Variants in KCNAB2 observed in about 807,000 individuals in gnomAD.
The protein encoded by KCNAB2 is voltage-gated potassium channel subunit beta-2.
A neutral mutation model predicts 63.6 loss-of-function variants in KCNAB2; 29 were observed. The ratio of observed to expected loss-of-function variants is 0.46; its 90% CI spans 0.34 to 0.62. The LOEUF is 0.62. KCNAB2 is among the 20% of genes least tolerant of loss of function. The probability of loss-of-function intolerance (pLI) is 0.01; values close to 1 mark genes in which losing one functional copy is unlikely to be tolerated. For synonymous variants in KCNAB2, 222 were observed against 224.2 expected (o/e 0.99, Z 0.09); for missense variants, 359 against 563.9 (o/e 0.64, Z 3.68).
At chr1:6,010,638 A>T (rs1658095472) in intron 1 of KCNAB2, among the ~76,000 whole-genome samples, 1 of 152,052 alleles carries the variant, frequency 6.6e-6, no homozygotes, top group South Asian at 2.1e-4. Context: ...ACAGCCCTCC[A>T]TGTTGTCAAG....
At chr1:6,066,913 C>T (rs78112261) in intron 2 of KCNAB2, among the ~76,000 whole-genome samples, 9,620 of 152,352 alleles carry the variant, frequency 0.063, 980 homozygotes, top group African/African-American at 0.22. Flanking sequence ...CACCCGGGCT[C>T]AGCCCCCATC....
At position 6,095,317 on chromosome 1, in the gene KCNAB2, T is replaced by C; in HGVS notation, c.733-6T>C. The C allele has an allele frequency of 6.2e-7, 1 of 1,611,606 alleles. No homozygotes were observed. Among genetic ancestry groups the C allele is most frequent in the Non-Finnish European group, 8.5e-7 (1 of 1,179,554 alleles). The stretch of plus-strand genomic sequence containing the variant: ...GGGCCCTCGGGGTCCCTTTCTGCCT[T>C]CACAGGAGGCCTACTCCGTGGCCCG... On this transcript the variant is annotated splice_polypyrimidine_tract_variant and splice_region_variant and intron_variant, in intron 11 of 15. Coordinates refer to ENST00000378083, the MANE Select transcript of KCNAB2 (RefSeq NM_001199862.2).
chr1:6,063,292 G>A (rs1662474717), intron 2 of KCNAB2, among the ~76,000 whole-genome samples: 1 of 151,870 alleles, frequency 6.6e-6, no homozygotes, highest in Non-Finnish European at 1.5e-5. Context: ...CAAAGTTCTG[G>A]GATTACAAGT....
intron 1 of KCNAB2, among the ~76,000 whole-genome samples, chr1:6,016,363 C>A (rs1658500952): frequency 6.6e-6 from 1 of 152,236 alleles, no homozygotes; most frequent in Non-Finnish European, 1.5e-5. Context: ...ACTGACGTCC[C>A]TTGGCTCTTC....
chr1:6,074,489 C>T lies in KCNAB2; in HGVS notation c.300+719C>T, dbSNP rs1045592598. The stretch of plus-strand genomic sequence containing the variant: ...TTGCTCAGACAGCTCTGGGCATCTG[C>T]ACAAGAAGCAGTTTTCACATTTATC... On this transcript the variant is annotated intron_variant, in intron 4 of 15. Coordinates refer to ENST00000378083, the MANE Select transcript of KCNAB2 (RefSeq NM_001199862.2). This position sits in a 1 kb window ranked among gnomAD's most constrained non-coding sequence, Gnocchi z 4.9. Among the ~76,000 whole-genome samples the T allele has an allele frequency of 1.3e-5, 2 of 152,214 alleles. No individual in the cohort carries two copies. Among genetic ancestry groups the T allele is most frequent in the African/African-American group, 4.8e-5 (2 of 41,454 alleles).
intron 10 of KCNAB2, among the ~76,000 whole-genome samples, chr1:6,093,291 G>A (rs779153341): frequency 3.9e-5 from 6 of 152,292 alleles, no homozygotes; most frequent in Admixed American, 6.5e-5. Context: ...TTTGGCGGTC[G>A]AACTTGCAAG....
At chr1:6,022,548 C>T (rs1244397661) in intron 1 of KCNAB2, among the ~76,000 whole-genome samples, 1 of 152,060 alleles carries the variant, frequency 6.6e-6, no homozygotes, top group Non-Finnish European at 1.5e-5. Flanking sequence ...GTATTAAGTA[C>T]ATTCATAATA....
At position 6,028,485 on chromosome 1, in the gene KCNAB2, C is replaced by T. The variant is rs891453019; in HGVS notation, c.-52-12032C>T. Among the ~76,000 whole-genome samples the T allele has an allele frequency of 2.0e-5, 3 of 152,200 alleles. No individual in the cohort carries two copies. The highest frequency in any genetic ancestry group is 3.2e-3 in the Middle Eastern group (1 of 316). ...TTCAACAAGCAGGTGCTGGAGTCCTCGCCCCGAGGCCTTCCGGAAGACACC... is the reference window on the plus strand; with the variant it reads ...TTCAACAAGCAGGTGCTGGAGTCCTTGCCCCGAGGCCTTCCGGAAGACACC... On this transcript the variant is annotated intron_variant, in intron 1 of 16. Transcript: ENST00000341524. The surrounding 1 kb of genome is among the most constrained non-coding windows in gnomAD (Gnocchi z 4.0).
rs564076526 is a variant in KCNAB2 at position 6,003,087 on chromosome 1, C to T, written c.-53+10299C>T. ...CAGACGCCTGATCCTGCGCCCCAGG[C>T]GACCCGTTCACGGGGCGGGCGCTCG... On this transcript the variant is annotated intron_variant, in intron 1 of 16. Coordinates refer to the KCNAB2 transcript ENST00000341524. This position sits in a 1 kb window ranked among gnomAD's most constrained non-coding sequence, Gnocchi z 4.1. Among the ~76,000 whole-genome samples the T allele has an allele frequency of 5.4e-4, 82 of 152,346 alleles. No homozygotes were observed. The highest frequency in any genetic ancestry group is 4.4e-3 in the Admixed American group (68 of 15,308).
upstream of KCNAB2, among the ~76,000 whole-genome samples, chr1:6,033,499 G>GTGTACATA (rs770923440): frequency 1.3e-5 from 2 of 152,212 alleles, no homozygotes; most frequent in Non-Finnish European, 2.9e-5. Flanking sequence ...ATGTGTATGT[G>GTGTACATA]TGTACATATG....
rs1663492283 is a variant in KCNAB2 at position 6,074,412 on chromosome 1, ATGTGTGCT to A, written c.300+644_300+651del. Among the ~76,000 whole-genome samples the A allele has an allele frequency of 6.6e-6, 1 of 152,204 alleles. No homozygotes were observed. The highest frequency in any genetic ancestry group is 1.5e-5 in the Non-Finnish European group (1 of 68,032). On this transcript the variant is annotated intron_variant, in intron 4 of 15. Transcript: ENST00000378083. The surrounding 1 kb of genome is among the most constrained non-coding windows in gnomAD (Gnocchi z 4.9). ...GGACAGGGACGGCACACGCCCAGAC[ATGTGTGCT>A]TCTGGACAGTGAGGCAGCATCTCAG...
chr1:6,028,157 C>T lies in KCNAB2; in HGVS notation c.-52-12360C>T, dbSNP rs1218600960. On this transcript the variant is annotated intron_variant, in intron 1 of 16. Transcript: ENST00000341524. The surrounding 1 kb of genome is among the most constrained non-coding windows in gnomAD (Gnocchi z 4.0). ...GAGTCAGCACCTGCCTTCGTTGCAG[C>T]ATTGACCCTCTGCCATCAGATCCCA... Among the ~76,000 whole-genome samples, 2 of 152,252 alleles carry T rather than the reference C, an allele frequency of 1.3e-5. No individual in the cohort carries two copies. The highest frequency in any genetic ancestry group is 2.9e-5 in the Non-Finnish European group (2 of 68,044).
upstream of KCNAB2, chr1:6,034,164 T>C (rs1297447470): frequency 6.6e-6 from 1 of 152,338 alleles, no homozygotes; most frequent in Non-Finnish European, 1.5e-5. Flanking sequence ...CTTTAGGATG[T>C]TGGCTCCACA....
chr1:6,096,425 C>T lies in KCNAB2; in HGVS notation c.949-211C>T. On this transcript the variant is annotated intron_variant, in intron 13 of 15. Transcript: ENST00000378083. This position sits in a 1 kb window ranked among gnomAD's most constrained non-coding sequence, Gnocchi z 5.9. Reference sequence around the variant, plus strand: ...TTTGCACTTCAGAGCCTGGACAGGCCCCGCTCATCCACCAGCCCGTGCCCG... The same window carrying T: ...TTTGCACTTCAGAGCCTGGACAGGCTCCGCTCATCCACCAGCCCGTGCCCG... 1 of 636,658 alleles carries T rather than the reference C, an allele frequency of 1.6e-6. No individual in the cohort carries two copies. The highest frequency in any genetic ancestry group is 2.7e-6 in the Non-Finnish European group (1 of 369,162). 39.4% of individuals were successfully genotyped at this position (636,658 alleles called of 1,614,324 possible).
intron 2 of KCNAB2, among the ~76,000 whole-genome samples, chr1:6,062,852 A>T (rs1169747250): frequency 6.6e-6 from 1 of 152,182 alleles, no homozygotes; most frequent in Non-Finnish European, 1.5e-5. Context: ...TAATGCAATT[A>T]TATGGAATTA....
chr1:6,036,831 TC>T (rs1040528579), intron 1 of KCNAB2, among the ~76,000 whole-genome samples: 12 of 151,970 alleles, frequency 7.9e-5, no homozygotes, highest in Non-Finnish European at 1.5e-4. Context: ...CAGCGAGGTG[TC>T]CCCTGAACCT....
chr1:6,039,834 A>C (rs1485156381), intron 1 of KCNAB2, among the ~76,000 whole-genome samples: 1 of 152,180 alleles, frequency 6.6e-6, no homozygotes, highest in Non-Finnish European at 1.5e-5. Context: ...GGGCCTCTCC[A>C]ACACCACAGC....
At chr1:6,055,783 C>T (rs1042448202) in intron 2 of KCNAB2, among the ~76,000 whole-genome samples, 17 of 147,278 alleles carry the variant, frequency 1.2e-4, no homozygotes, top group Non-Finnish European at 2.1e-4. Context: ...CCAGGGTTGA[C>T]GGGGTGGGTG....
At chr1:6,043,415 C>G (rs1355055419), upstream of KCNAB2, among the ~76,000 whole-genome samples, 3 of 152,214 alleles carry the variant, frequency 2.0e-5, no homozygotes, top group African/African-American at 7.2e-5. Context: ...ATGTTGTCCC[C>G]CCCGCCGGGA....
Sources: gnomAD v4.1 joint callset for allele counts (sites outside exome capture counted in the v4.1 genomes callset) on GRCh38, gnomAD v4.1.1 for gene constraint, Gnocchi (gnomAD v3.1) non-coding constraint, MANE v1.5 for transcripts, NCBI Gene and HGNC (gene_info 2026-07-23, HGNC 2026-07-21) for gene names.